Variants in TNR observed in about 807,000 individuals in gnomAD.
TNR encodes the protein tenascin-R.
In TNR, 45 loss-of-function variants were observed where a neutral mutation model predicts 150.4. That is an observed-to-expected ratio of 0.30 (90% CI 0.24 to 0.38). The LOEUF is 0.38. Ranked by LOEUF, TNR falls within the 10% of genes least tolerant of loss-of-function variation. The pLI is 1.00. For synonymous variants in TNR, 687 were observed against 678.4 expected (o/e 1.01, Z -0.20); for missense variants, 1,544 against 1,759.1 (o/e 0.88, Z 2.19).
intron 2 of TNR, among the ~76,000 whole-genome samples, chr1:175,447,961 ATGT>A (rs1656136494): frequency 1.3e-5 from 2 of 152,188 alleles, no homozygotes; most frequent in Non-Finnish European, 2.9e-5. Context: ...GGCTCAATAA[ATGT>A]TGTCTGTTAT....
At chr1:175,489,131 C>T (rs1259720120) in intron 2 of TNR, among the ~76,000 whole-genome samples, 1 of 152,106 alleles carries the variant, frequency 6.6e-6, no homozygotes, top group Non-Finnish European at 1.5e-5. Context: ...TGATTATCCC[C>T]GCTGAATATG....
chr1:175,324,558 CA>C lies in TNR; in HGVS notation c.3794-40del, dbSNP rs774728835. On this transcript the variant is annotated intron_variant, in intron 21 of 22. Transcript: ENST00000367674. ...ACATTCATTAGGCTGTCCCATTTGT[CA>C]CTGCTTTATCAGGATTTTCTGGACA... 12 of 1,603,114 alleles carry C rather than the reference CA, an allele frequency of 7.5e-6. No individual in the cohort carries two copies. In the East Asian group the frequency reaches 2.7e-4, roughly 36 times the overall value.
chr1:175,595,755 CGTT>C (rs1302224875), intron 1 of TNR, among the ~76,000 whole-genome samples: 2 of 152,132 alleles, frequency 1.3e-5, no homozygotes, highest in African/African-American at 4.8e-5. Flanking sequence ...AGTTAAAAAT[CGTT>C]AGCTAGTTAA....
In TNR at chr1:175,396,927, A is replaced by G. The variant is rs113129142; in HGVS notation, c.977-120T>C. ...ATGTCTATATGTCCTGCTGGGCTCAATGGCTTTAAGTGATTTGTAACTTCC... is the reference window on the plus strand; with the variant it reads ...ATGTCTATATGTCCTGCTGGGCTCAGTGGCTTTAAGTGATTTGTAACTTCC... On this transcript the variant is annotated intron_variant, in intron 4 of 22. Transcript: ENST00000367674. 97 of 1,328,452 alleles carry G rather than the reference A, an allele frequency of 7.3e-5. 2 individuals carry two copies. In the Middle Eastern group the frequency reaches 7.4e-4, roughly 10 times the overall value. The allele number at this position is 1,328,452 out of a possible 1,614,324, so 82.3% of individuals were successfully genotyped here.
intron 2 of TNR, among the ~76,000 whole-genome samples, chr1:175,525,473 T>C (rs1659811821): frequency 2.0e-5 from 3 of 152,210 alleles, no homozygotes. Flanking sequence ...AAAGCAGACA[T>C]TTACACTCTA....
intron 1 of TNR, among the ~76,000 whole-genome samples, chr1:175,669,512 A>C (rs537503322): frequency 1.2e-4 from 19 of 152,316 alleles, no homozygotes; most frequent in Admixed American, 9.8e-4. Flanking sequence ...TAAAACAGTT[A>C]ATCATATTTT....
chr1:175,546,073 C>G (rs950726115), intron 1 of TNR, among the ~76,000 whole-genome samples: 3 of 152,110 alleles, frequency 2.0e-5, no homozygotes, highest in Admixed American at 1.3e-4. Context: ...CCCCTTTCAG[C>G]CAGACTGGAG....
At chr1:175,574,736 C>A (rs1359749023) in intron 1 of TNR, among the ~76,000 whole-genome samples, 3 of 152,234 alleles carry the variant, frequency 2.0e-5, no homozygotes, top group Non-Finnish European at 4.4e-5. Flanking sequence ...GCAACACTGA[C>A]CCTTGTGTGT....
intron 2 of TNR, among the ~76,000 whole-genome samples, chr1:175,491,528 A>C (rs915629177): frequency 6.6e-6 from 1 of 152,284 alleles, no homozygotes; most frequent in Admixed American, 6.5e-5. Flanking sequence ...ATGAGCAGTA[A>C]AGGGTCAGAA....
At chr1:175,585,850 C>T (rs374045478) in intron 1 of TNR, among the ~76,000 whole-genome samples, 2 of 152,240 alleles carry the variant, frequency 1.3e-5, no homozygotes, top group East Asian at 3.9e-4. Flanking sequence ...TAATGAAGGG[C>T]CTAGAAAAGT....
At position 175,323,151 on chromosome 1, in the gene TNR, A is replaced by T. The variant is rs921525522; in HGVS notation, c.*206T>A. 2.5e-4 allele frequency: 140 copies of T among 553,090 alleles called. No individual in the cohort carries two copies. The highest frequency in any genetic ancestry group is 4.1e-4 in the Non-Finnish European group (135 of 330,560). 34.3% of individuals were successfully genotyped at this position (553,090 alleles called of 1,614,324 possible). ...TGAAGGTTGAGGAGGCCTGGGTAGGAGGGAGAATGGAGACTGAGGGTCAGG... is the reference window on the plus strand; with the variant it reads ...TGAAGGTTGAGGAGGCCTGGGTAGGTGGGAGAATGGAGACTGAGGGTCAGG... On this transcript the variant is annotated 3_prime_UTR_variant, in exon 23 of 23. Transcript: ENST00000367674.
chr1:175,414,515 C>T (rs934882286), intron 2 of TNR, among the ~76,000 whole-genome samples: 4 of 152,150 alleles, frequency 2.6e-5, no homozygotes, highest in South Asian at 2.1e-4. Flanking sequence ...TCAAGAGATC[C>T]GTGCATTTCC....
rs560137953 is a variant in TNR at position 175,672,204 on chromosome 1, T to C, written c.-165+71022A>G. ...TATGAAGACCAAATTTAAAATCTTG[T>C]GTGAAGTGTCAAGCACAGGCACTCA... On this transcript the variant is annotated intron_variant, in intron 1 of 22. Transcript: ENST00000367674. Among the ~76,000 whole-genome samples the C allele has an allele frequency of 2.0e-3, 301 of 152,276 alleles. 2 individuals carry two copies. Among genetic ancestry groups the C allele is most frequent in the African/African-American group, 6.8e-3 (282 of 41,554 alleles).
chr1:175,713,619 C>A (rs554238083), intron 1 of TNR, among the ~76,000 whole-genome samples: 1 of 152,288 alleles, frequency 6.6e-6, no homozygotes, highest in East Asian at 1.9e-4. Context: ...CAATCATCAC[C>A]AAAACCCAGG....
rs1443540511 is a variant in TNR, at chr1:175,657,914, C to A, written c.-165+85312G>T. ...CAAACCTGCACGTTGTGCACATGTA[C>A]CCTAAAACTTAAAGTATAATAAAAA... is the stretch of plus-strand genomic sequence containing the variant. On this transcript the variant is annotated intron_variant, in intron 1 of 22. Coordinates refer to ENST00000367674, the MANE Select transcript of TNR (RefSeq NM_003285.3). Among the ~76,000 whole-genome samples the A allele has an allele frequency of 2.8e-5, 3 of 106,594 alleles. No individual in the cohort carries two copies. In the South Asian group the frequency reaches 1.0e-3, roughly 37 times the overall value. The allele number at this position is 106,594 out of a possible 152,430, so 69.9% of individuals were successfully genotyped here.
At chr1:175,735,771 GGGAA>G (rs1194395404) in intron 1 of TNR, among the ~76,000 whole-genome samples, 1 of 152,174 alleles carries the variant, frequency 6.6e-6, no homozygotes, top group Non-Finnish European at 1.5e-5. Flanking sequence ...CTGGAGGGAG[GGGAA>G]GGTAGAAAAA....
At chr1:175,505,106 G>A (rs777666344) in intron 2 of TNR, among the ~76,000 whole-genome samples, 7 of 151,536 alleles carry the variant, frequency 4.6e-5, no homozygotes, top group African/African-American at 1.5e-4. Flanking sequence ...TCCAGGAACC[G>A]AATACAAGGT....
chr1:175,542,898 A>G (rs577740576), intron 1 of TNR, among the ~76,000 whole-genome samples: 1 of 152,160 alleles, frequency 6.6e-6, no homozygotes, highest in Non-Finnish European at 1.5e-5. Context: ...TTCCTGAAGC[A>G]TTGATATATT....
rs776882408 is a variant in TNR, at chr1:175,362,813, G to A, written c.2708-4C>T. The stretch of plus-strand genomic sequence containing the variant: ...ACTGAGCTGTCTAGTCGTCCCACTG[G>A]AGAAGAGAAGAATCTACAGTTAAAA... On this transcript the variant is annotated splice_polypyrimidine_tract_variant and splice_region_variant and intron_variant, in intron 13 of 22. Transcript: ENST00000367674. 5 of 1,613,928 alleles carry A rather than the reference G, an allele frequency of 3.1e-6. No individual in the cohort carries two copies. In the South Asian group the frequency reaches 5.5e-5, roughly 18 times the overall value.
Sources: allele counts gnomAD v4.1 joint callset (sites outside exome capture counted in the v4.1 genomes callset), GRCh38; gene constraint gnomAD v4.1.1; transcripts MANE v1.5; gene names NCBI Gene and HGNC (gene_info 2026-07-23, HGNC 2026-07-21).